The following MYO7A variants were observed in gnomAD, a reference collection of about 807,000 sequenced individuals.
MYO7A encodes unconventional myosin-VIIa.
MYO7A carries 210 observed loss-of-function variants against 263.8 expected under a neutral mutation model. The observed-to-expected ratio is 0.80, with a 90% CI of 0.71 to 0.89. The LOEUF (loss-of-function observed/expected upper bound fraction) is 0.89. Ranked by LOEUF, MYO7A falls within the 40% of genes least tolerant of loss-of-function variation. MYO7A has a pLI of 0.00. For synonymous variants in MYO7A, 1,239 were observed against 1,197.3 expected, an observed-to-expected ratio of 1.03 and a Z score of -0.72; for missense variants, 2,820 against 2,968.3, an observed-to-expected ratio of 0.95 and a Z score of 1.16.
At chr11:77,142,480 A>C in intron 2 of MYO7A, 3 of 576,530 alleles carry the variant, frequency 5.2e-6, no homozygotes, top group South Asian at 4.6e-5. Context: ...AGTCATCCAT[A>C]AAATGGGAAT....
At position 77,185,253 on chromosome 11, in the gene MYO7A, T is replaced by C. The variant is rs529188401; in HGVS notation, c.3503+538T>C. ...TATTAAGATAAGACAACAGTGAGAT[T>C]TGCTTTCACACAAAATTTCTCTGTA... is the stretch of plus-strand genomic sequence containing the variant. On this transcript the variant is annotated intron_variant, in intron 27 of 48. Coordinates refer to ENST00000409709, the MANE Select transcript of MYO7A (RefSeq NM_000260.4). Among the ~76,000 whole-genome samples the C allele has an allele frequency of 1.6e-4, 24 of 152,344 alleles. No individual in the cohort carries two copies. The South Asian group carries it at 4.8e-3, about 30-fold the overall frequency.
chr11:77,174,922 G>A lies in MYO7A; in HGVS notation c.2094+8G>A, dbSNP rs781886473. ...AAGCCGGCCTACAAGCAGGTACAGG[G>A]CTGAGTGCACAGAGGGCAGGAGGGG... On this transcript the variant is annotated splice_region_variant and intron_variant, in intron 17 of 48. Coordinates refer to ENST00000409709, the MANE Select transcript of MYO7A (RefSeq NM_000260.4). 3.7e-6 allele frequency: 6 copies of A among 1,611,876 alleles called. No individual in the cohort carries two copies. In the Admixed American group the frequency reaches 1.0e-4, roughly 27 times the overall value.
intron 32 of MYO7A, among the ~76,000 whole-genome samples, chr11:77,197,224 G>A (rs1289808132): frequency 1.3e-5 from 2 of 152,226 alleles, no homozygotes; most frequent in African/African-American, 4.8e-5. Flanking sequence ...GAACTCCCTG[G>A]AGGGGCAGCT....
chr11:77,180,538 C>T lies in MYO7A; in HGVS notation c.2694+57C>T, dbSNP rs138672676. The T allele has an allele frequency of 5.4e-4, 798 of 1,491,438 alleles. 5 individuals are homozygous for T. The African/African-American group carries it at 9.1e-3, about 17-fold the overall frequency. The allele number at this position is 1,491,438 out of a possible 1,614,324, so 92.4% of individuals were successfully genotyped here. A position where few individuals can be genotyped will look rare whatever the true frequency, so the allele number is the denominator to read the frequency against. Reference sequence around the variant, plus strand: ...TCCACTTGCTGGCTTGTCCCCTCCCCGAGGCTGGCTTCTCATCTGTCACCC... The same window carrying T: ...TCCACTTGCTGGCTTGTCCCCTCCCTGAGGCTGGCTTCTCATCTGTCACCC... On this transcript the variant is annotated intron_variant, in intron 22 of 48. Coordinates refer to ENST00000409709, the MANE Select transcript of MYO7A (RefSeq NM_000260.4).
chr11:77,181,566 G>A lies in MYO7A; in HGVS notation c.2881G>A (p.Gly961Ser), dbSNP rs782809109. 1 of 1,613,272 alleles carries A rather than the reference G, an allele frequency of 6.2e-7. No homozygotes were observed. The highest frequency in any genetic ancestry group is 8.5e-7 in the Non-Finnish European group (1 of 1,179,852). ...GTSGGLPGQE[G>S]QAPSGFEDLE... ...TTCAGGTGGCCTGCCAGGCCAGGAGGGCCAGGCACCTAGTGGCTTTGAGGT... is the reference window on the plus strand; with the variant it reads ...TTCAGGTGGCCTGCCAGGCCAGGAGAGCCAGGCACCTAGTGGCTTTGAGGT... The change falls in exon 23 of 49, where the codon GGC becomes AGC. Residue 961 changes from glycine (G) to serine (S), a missense_variant. Transcript: ENST00000409709.
chr11:77,204,312 G>T (rs1957290358), intron 39 of MYO7A, 83 bp downstream of exon 39: 1 of 1,501,350 alleles, frequency 6.7e-7, no homozygotes, highest in African/African-American at 1.4e-5. Flanking sequence ...GCAGCTGCTG[G>T]CTCTGCCTGG....
chr11:77,152,127 G>C (rs1160403702), intron 4 of MYO7A, among the ~76,000 whole-genome samples: 1 of 152,212 alleles, frequency 6.6e-6, no homozygotes, highest in Non-Finnish European at 1.5e-5. Context: ...CCTCTTACTG[G>C]AGAGAATCTG....
chr11:77,128,934 G>C (rs767865634), intron 1 of MYO7A, among the ~76,000 whole-genome samples: 42 of 152,310 alleles, frequency 2.8e-4, no homozygotes, highest in Middle Eastern at 3.4e-3. Context: ...AACAGCCAGG[G>C]TTGTAGTGGG....
chr11:77,177,549 G>C lies in MYO7A; in HGVS notation c.2188G>C (p.Asp730His). 12 of 1,609,368 alleles carry C rather than the reference G, an allele frequency of 7.5e-6. No individual in the cohort carries two copies. Among genetic ancestry groups the C allele is most frequent in the Non-Finnish European group, 1.0e-5 (12 of 1,178,288 alleles). Residue 730 changes from aspartate to histidine, a missense_variant and splice_region_variant, in exon 19 of 49, where the codon GAC becomes CAC. By Grantham distance (81) the Asp-to-His change is moderately conservative. Coordinates refer to ENST00000409709, the MANE Select transcript of MYO7A (RefSeq NM_000260.4). The part of the protein sequence containing the change: ...QIGKTKIFLK[D>H]HHDMLLEVER... ...GCTGCTCAGGAGCTCTGCCTCCTAG[G>C]ACCACCATGACATGCTGCTGGAAGT...
chr11:77,202,365 G>T lies in MYO7A; in HGVS notation c.5109G>T (p.Ala1703=). Residue 1703 remains alanine (A), a synonymous_variant, in exon 37 of 49, where the codon GCG becomes GCT. Transcript: ENST00000409709. ...DVVRLLQLRT[A]EPEVRAKPYT... ...TCCGGCTCTTGCAGCTGCGAACGGC[G>T]GAGCCCGAGGTGCGTGCCAAGCCCT... The T allele has an allele frequency of 6.4e-7, 1 of 1,564,148 alleles. No homozygotes were observed. The highest frequency in any genetic ancestry group is 2.4e-5 in the East Asian group (1 of 42,028).
chr11:77,134,501 A>T (rs1196573188), intron 2 of MYO7A, among the ~76,000 whole-genome samples: 3 of 152,094 alleles, frequency 2.0e-5, no homozygotes, highest in African/African-American at 7.2e-5. Context: ...GTGTTGCCCA[A>T]GCTGGTGTGC....
At chr11:77,173,446 T>C (rs1022753366) in intron 16 of MYO7A, among the ~76,000 whole-genome samples, 5 of 152,242 alleles carry the variant, frequency 3.3e-5, no homozygotes, top group Non-Finnish European at 7.3e-5. Context: ...CAGCATAGGC[T>C]GGATGGTCAG....
rs1195144941 is a variant in MYO7A, at chr11:77,207,203, G to A, written c.5743-86G>A. 5 of 904,248 alleles carry A rather than the reference G, an allele frequency of 5.5e-6. No homozygotes were observed. In the Admixed American group the frequency reaches 6.4e-5, roughly 12 times the overall value. The allele number at this position is 904,248 out of a possible 1,614,324, so 56.0% of individuals were successfully genotyped here. ...GGTGTCTGGCACGGGAGGGGGCTCA[G>A]TATAGGAGGCATAGCCAGAGGGGCC... On this transcript the variant is annotated intron_variant, in intron 41 of 48. Coordinates refer to ENST00000409709, the MANE Select transcript of MYO7A (RefSeq NM_000260.4).
intron 35 of MYO7A, among the ~76,000 whole-genome samples, chr11:77,200,099 G>A (rs185037945): frequency 7.6e-4 from 116 of 152,022 alleles, no homozygotes; most frequent in Non-Finnish European, 1.3e-3. Context: ...TGAGACCCTC[G>A]TCTCTACAAA....
At position 77,198,633 on chromosome 11, in the gene MYO7A, C is replaced by T. The variant is rs72933642; in HGVS notation, c.4568+12C>T. On this transcript the variant is annotated intron_variant, in intron 34 of 48. Coordinates refer to ENST00000409709, the MANE Select transcript of MYO7A (RefSeq NM_000260.4). ...GTGTCCAGCAGCAGGTGAGGAGGCCCGCATGGAGATGCAGACAGACAGAGG... is the reference window on the plus strand; with the variant it reads ...GTGTCCAGCAGCAGGTGAGGAGGCCTGCATGGAGATGCAGACAGACAGAGG... 1.2e-5 allele frequency: 19 copies of T among 1,613,248 alleles called. No homozygotes were observed. Among genetic ancestry groups the T allele is most frequent in the African/African-American group, 4.0e-5 (3 of 74,922 alleles).
At chr11:77,214,553 G>A (rs913016390) in intron 48 of MYO7A, 54 bp from the exon 49 acceptor site, 1 of 1,324,862 alleles carries the variant, frequency 7.5e-7, no homozygotes. Flanking sequence ...TATGGTCTGA[G>A]TGGCTGGCCC....
At chr11:77,196,624 C>T (rs1044971631) in intron 32 of MYO7A, among the ~76,000 whole-genome samples, 4 of 152,186 alleles carry the variant, frequency 2.6e-5, no homozygotes, top group African/African-American at 7.2e-5. Flanking sequence ...TGATTTGTCT[C>T]TCTGCCTACA....
At chr11:77,180,037 A>G (rs1955044613) in intron 21 of MYO7A, 84 bp downstream of exon 21, 2 of 1,378,332 alleles carry the variant, frequency 1.5e-6, no homozygotes, top group Non-Finnish European at 1.9e-6. Context: ...TTGGCCAGGA[A>G]GTGGGACCTA....
rs571929907 is a variant in MYO7A at position 77,147,966 on chromosome 11, C to T, written c.285+16C>T. 2 of 1,530,518 alleles carry T rather than the reference C, an allele frequency of 1.3e-6. No individual in the cohort carries two copies. The highest frequency in any genetic ancestry group is 2.5e-5 in the East Asian group (1 of 40,168). 94.8% of individuals were successfully genotyped at this position (1,530,518 alleles called of 1,614,324 possible). ...CCTCATCTACGTGAGTGCCGCCCCG[C>T]CCGGTGCCCGTCCAGGCCCCCTCAG... On this transcript the variant is annotated intron_variant, in intron 4 of 48. Transcript: ENST00000409709.
Sources: allele counts gnomAD v4.1 joint callset (sites outside exome capture counted in the v4.1 genomes callset), GRCh38; gene constraint gnomAD v4.1.1; transcripts MANE v1.5; gene names NCBI Gene and HGNC (gene_info 2026-07-23, HGNC 2026-07-21).